The following MCM3AP variants were observed in gnomAD, a reference collection of about 807,000 sequenced individuals.
MCM3AP encodes the protein minichromosome maintenance complex component 3 associated protein, also known as germinal-center associated nuclear protein.
In MCM3AP, 126 loss-of-function variants were observed where a neutral mutation model predicts 184.1. That is an observed-to-expected ratio of 0.68 (90% confidence interval 0.59 to 0.79). The LOEUF is 0.79. Among genes scored for constraint, MCM3AP ranks in the 30% least tolerant of loss-of-function variants. The pLI is 0.00. For missense variants in MCM3AP, 2,496 were observed against 2,479.2 expected, an observed-to-expected ratio of 1.01 and a Z score of -0.14; for synonymous variants, 1,002 against 979.3, an observed-to-expected ratio of 1.02 and a Z score of -0.43.
At chr21:46,248,832 C>T (rs2080822011) in intron 20 of MCM3AP, among the ~76,000 whole-genome samples, 1 of 151,938 alleles carries the variant, frequency 6.6e-6, no homozygotes, top group African/African-American at 2.4e-5. Flanking sequence ...TTTCAGAACA[C>T]AGTAGGAAGA....
At chr21:46,260,471 A>C (rs1343904557) in intron 15 of MCM3AP, among the ~76,000 whole-genome samples, 1 of 152,196 alleles carries the variant, frequency 6.6e-6, no homozygotes, top group Admixed American at 6.5e-5. Flanking sequence ...AGACAACCAC[A>C]AAATCTTCTC....
chr21:46,276,596 C>G (rs2081257500), intron 5 of MCM3AP, among the ~76,000 whole-genome samples: 1 of 152,046 alleles, frequency 6.6e-6, no homozygotes, highest in Middle Eastern at 3.2e-3. Context: ...CATGTGCCAC[C>G]ACGCCCGGCT....
chr21:46,236,775 A>C, intron 27 of MCM3AP, 54 bp downstream of exon 27: 28 of 1,211,570 alleles, frequency 2.3e-5, no homozygotes, highest in Non-Finnish European at 2.9e-5. Flanking sequence ...TTCCCCAGCC[A>C]TTCTCTCAAT....
Position 46,248,245 on chromosome 21 carries a change from TCCCC to T in MCM3AP, c.4291-1363_4291-1360del, listed in dbSNP as rs979144151. On this transcript the variant is annotated intron_variant, in intron 20 of 27. Coordinates refer to ENST00000291688, the MANE Select transcript of MCM3AP (RefSeq NM_003906.5). ...GCAGGCAACCTCTATGCAAAACCAGTCCCCCTGGGCCCCTGAACAGGAGTCCTGA... is the reference window on the plus strand; with the variant it reads ...GCAGGCAACCTCTATGCAAAACCAGTCTGGGCCCCTGAACAGGAGTCCTGA... Among the ~76,000 whole-genome samples, 3 of 151,960 alleles carry T rather than the reference TCCCC, an allele frequency of 2.0e-5. No individual in the cohort carries two copies. In the South Asian group the frequency reaches 6.2e-4, roughly 32 times the overall value.
At chr21:46,277,461 GCC>G (rs2081270204) in intron 5 of MCM3AP, 64 bp downstream of exon 5, 5 of 1,332,320 alleles carry the variant, frequency 3.8e-6, no homozygotes, top group Non-Finnish European at 5.1e-6. Flanking sequence ...AGTTGCTCCT[GCC>G]CTGATGGCAC....
chr21:46,282,437 C>T (rs927924498), intron 2 of MCM3AP, among the ~76,000 whole-genome samples: 1 of 152,118 alleles, frequency 6.6e-6, no homozygotes, highest in Non-Finnish European at 1.5e-5. Context: ...TATGAGAATA[C>T]TCAGAAAAAA....
intron 4 of MCM3AP, 121 bp downstream of exon 4, chr21:46,279,872 T>A: frequency 5.5e-5 from 48 of 878,096 alleles, no homozygotes; most frequent in East Asian, 9.5e-5. Context: ...CAACCATCCC[T>A]AGCAACTGGC....
chr21:46,257,053 G>C, intron 16 of MCM3AP, 67 bp from the exon 17 acceptor site: 1 of 1,538,008 alleles, frequency 6.5e-7, no homozygotes, highest in Non-Finnish European at 8.8e-7. Context: ...ACACATTGCA[G>C]TCAGAACTCA....
In MCM3AP at chr21:46,246,652, C is replaced by T. The variant is rs775896173; in HGVS notation, c.4525G>A (p.Ala1509Thr). ...VVLVPSPGGD[A>T]VEKEVEDGLM... ...CCATCTTCTACTTCCTTCTCAACGG[C>T]GTCCCCTCCTGGGCTAGGCACAAGA... is the stretch of plus-strand genomic sequence containing the variant. The change falls in exon 21 of 28, where the codon GCC (alanine) becomes ACC (threonine). Residue 1509 changes from alanine to threonine, a missense_variant. By Grantham distance (58) the Ala-to-Thr change is moderately conservative. Transcript: ENST00000291688. The T allele has an allele frequency of 6.8e-6, 11 of 1,610,926 alleles. No homozygotes were observed. In the East Asian group the frequency reaches 1.6e-4, roughly 23 times the overall value.
Position 46,285,446 on chromosome 21 carries a change from GAA to G in MCM3AP, c.-162_-161del, listed in dbSNP as rs755167919. 8.3e-6 allele frequency: 5 copies of G among 606,036 alleles called. No individual in the cohort carries two copies. Among genetic ancestry groups the G allele is most frequent in the Non-Finnish European group, 1.5e-5 (5 of 342,790 alleles). 37.5% of individuals were successfully genotyped at this position (606,036 alleles called of 1,614,324 possible). A position where few individuals can be genotyped will look rare whatever the true frequency, so the allele number is the denominator to read the frequency against. ...TAGCTATGTTCTGCTACAAGTCTAA[GAA>G]AAGAATTTTTGAACACTGTCATACT... On this transcript the variant is annotated 5_prime_UTR_variant, in exon 1 of 28. An upstream open reading frame in the 5' UTR gains an earlier in-frame stop. Transcript: ENST00000291688.
At chr21:46,265,257 G>A (rs570461763) in intron 12 of MCM3AP, 64 bp downstream of exon 12, 1 of 1,485,774 alleles carries the variant, frequency 6.7e-7, no homozygotes, top group East Asian at 2.3e-5. Context: ...ATGGGGTGAT[G>A]ACTAAGGACG....
intron 24 of MCM3AP, among the ~76,000 whole-genome samples, chr21:46,243,233 T>A (rs1020055196): frequency 6.6e-6 from 1 of 152,144 alleles, no homozygotes; most frequent in Admixed American, 6.5e-5. Flanking sequence ...AAATCCTCTC[T>A]AAGAGCCATC....
intron 12 of MCM3AP, among the ~76,000 whole-genome samples, chr21:46,264,838 G>A (rs8133795): frequency 5.3e-5 from 8 of 151,330 alleles, no homozygotes; most frequent in Admixed American, 3.3e-4. Context: ...CAGGGGACAC[G>A]CCCATCCCAG....
intron 2 of MCM3AP, 56 bp downstream of exon 2, chr21:46,283,559 T>C (rs1470913680): frequency 3.9e-6 from 5 of 1,293,780 alleles, no homozygotes; most frequent in Admixed American, 4.0e-5. Flanking sequence ...AAAAACAGGT[T>C]TTAAAGTGAC....
At chr21:46,260,205 G>C (rs996234827) in intron 15 of MCM3AP, among the ~76,000 whole-genome samples, 1 of 152,208 alleles carries the variant, frequency 6.6e-6, no homozygotes, top group African/African-American at 2.4e-5. Context: ...AAGTGGAACA[G>C]GGTGCCAAAT....
At chr21:46,263,092 G>T (rs1158445084) in intron 13 of MCM3AP, among the ~76,000 whole-genome samples, 1 of 151,628 alleles carries the variant, frequency 6.6e-6, no homozygotes, top group African/African-American at 2.4e-5. Flanking sequence ...CAGTTTAGGA[G>T]GCCAAGGCGG....
intron 14 of MCM3AP, 123 bp downstream of exon 14, chr21:46,261,156 AG>A: frequency 8.0e-7 from 1 of 1,256,330 alleles, no homozygotes; most frequent in Non-Finnish European, 1.1e-6. Flanking sequence ...GGAGGGCATG[AG>A]TGGGTCAGCA....
intron 4 of MCM3AP, among the ~76,000 whole-genome samples, chr21:46,278,737 A>G (rs531631660): frequency 6.6e-6 from 1 of 151,686 alleles, no homozygotes; most frequent in African/African-American, 2.4e-5. Flanking sequence ...GCAGTGGCGC[A>G]ATCTCGGCTC....
At position 46,284,309 on chromosome 21, in the gene MCM3AP, A is replaced by T; in HGVS notation, c.978T>A (p.Pro326=). The change falls in exon 1 of 28, where the codon CCT becomes CCA. Residue 326 remains proline (P), a synonymous_variant. Coordinates refer to ENST00000291688, the MANE Select transcript of MCM3AP (RefSeq NM_003906.5). ...CTCCCCGGGGTCGATTCAGGCGGAC[A>T]GGTCGTTTGTCTGGAGGATGATCGC... The part of the protein sequence containing the change: ...SRGDHPPDKR[P]VRLNRPRGGT... The T allele has an allele frequency of 1.2e-6, 2 of 1,614,244 alleles. No homozygotes were observed. The highest frequency in any genetic ancestry group is 1.7e-6 in the Non-Finnish European group (2 of 1,180,042).
Sources: gnomAD v4.1 joint callset for allele counts (sites outside exome capture counted in the v4.1 genomes callset) on GRCh38, gnomAD v4.1.1 for gene constraint, MANE v1.5 for transcripts, NCBI Gene and HGNC (gene_info 2026-07-23, HGNC 2026-07-21) for gene names.